ENO3: variants seen among roughly 807,000 people sequenced by gnomAD.
ENO3 encodes the protein enolase 3.
A neutral mutation model predicts 47.7 loss-of-function variants in ENO3; 46 were observed. That is an observed-to-expected ratio of 0.96 (90% CI 0.76 to 1.23). The LOEUF is 1.23. Among genes scored for constraint, ENO3 ranks in the 50% most tolerant of loss-of-function variants. ENO3 has a pLI of 0.00. For synonymous variants in ENO3, 223 were observed against 225.9 expected (o/e 0.99, Z 0.11); for missense variants, 575 against 566.2 (o/e 1.02, Z -0.16).
chr17:4,952,982 G>A, intron 3 of ENO3, 69 bp from the exon 4 acceptor site: 1 of 1,612,020 alleles, frequency 6.2e-7, no homozygotes, highest in Non-Finnish European at 8.5e-7. Context: ...CAAGGCTCTT[G>A]AGGAGCTGGG....
intron 7 of ENO3, 50 bp from the exon 8 acceptor site, chr17:4,955,356 CT>C: frequency 1.2e-6 from 2 of 1,614,142 alleles, no homozygotes; most frequent in Non-Finnish European, 1.7e-6. Context: ...GCAGGGGAGG[CT>C]GCAGACAAGG....
At chr17:4,953,426 C>T in intron 5 of ENO3, 85 bp downstream of exon 5, 2 of 1,578,750 alleles carry the variant, frequency 1.3e-6, no homozygotes, top group African/African-American at 1.3e-5. Context: ...TGGGTTATTT[C>T]TGGGTCCCCC....
In ENO3 at chr17:4,952,812, G is replaced by A. The variant is rs1317890147; in HGVS notation, c.103G>A (p.Val35Met). The A allele has an allele frequency of 6.2e-7, 1 of 1,611,218 alleles. No homozygotes were observed. Among genetic ancestry groups the A allele is most frequent in the Admixed American group, 1.7e-5 (1 of 59,728 alleles). ...TGTCCCAGGCCGATTCCGAGCAGCTGTGCCCAGTGGGGCTTCCACGGGTAT... is the reference window on the plus strand; with the variant it reads ...TGTCCCAGGCCGATTCCGAGCAGCTATGCCCAGTGGGGCTTCCACGGGTAT... ...HTAKGRFRAA[V>M]PSGASTGIYE... is the part of the protein sequence containing the mutation. Residue 35 changes from valine (V) to methionine (M), a missense_variant, in exon 3 of 12, where the codon GTG (valine) becomes ATG (methionine). Val to Met is a conservative substitution (Grantham distance 21, BLOSUM62 1). Transcript: ENST00000519602.
In ENO3 at chr17:4,956,564, T is replaced by C. The variant is rs1293797560; in HGVS notation, c.1068-9T>C. 1.2e-6 allele frequency: 2 copies of C among 1,613,952 alleles called. No homozygotes were observed. Among genetic ancestry groups the C allele is most frequent in the Non-Finnish European group, 1.7e-6 (2 of 1,179,958 alleles). On this transcript the variant is annotated splice_polypyrimidine_tract_variant and intron_variant, in intron 9 of 11. Transcript: ENST00000519602. ...CTAGAAGGCCACATCAAATGTCCTC[T>C]CCACTCAGGTGCAAACTGGCTCAGT...
rs1321223624 is a variant in ENO3, at chr17:4,953,298, A to G, written c.267A>G (p.Lys89=). ...AACTAAGCGTTGTGGATCAAGAAAA[A>G]GTTGACAAATTTATGATTGAGCTAG... ...QKKLSVVDQE[K]VDKFMIELDG... The change falls in exon 5 of 12, where the codon AAA becomes AAG. Residue 89 remains lysine (K), a synonymous_variant. Coordinates refer to ENST00000519602, the MANE Select transcript of ENO3 (RefSeq NM_053013.4). 6.2e-7 allele frequency: 1 copy of G among 1,614,196 alleles called. No homozygotes were observed. Among genetic ancestry groups the G allele is most frequent in the Non-Finnish European group, 8.5e-7 (1 of 1,180,036 alleles).
Position 4,955,130 on chromosome 17 carries a change from A to T in ENO3, c.500A>T (p.Glu167Val), listed in dbSNP as rs1278664109. ...SHAGNKLAMQ[E>V]FMILPVGASS... ...GCTGGAAACAAGCTGGCCATGCAGG[A>T]GTTCATGATTCTGCCTGTGGGAGCC... Residue 167 changes from glutamate to valine, a missense_variant, in exon 7 of 12, where the codon GAG becomes GTG. Glu to Val is a moderately radical substitution (Grantham distance 121, BLOSUM62 -2). Coordinates refer to ENST00000519602, the MANE Select transcript of ENO3 (RefSeq NM_053013.4). 6.2e-7 allele frequency: 1 copy of T among 1,614,066 alleles called. No individual in the cohort carries two copies. The highest frequency in any genetic ancestry group is 8.5e-7 in the Non-Finnish European group (1 of 1,180,030).
chr17:4,957,044 G>A lies in ENO3; in HGVS notation c.1302G>A (p.Lys434=), dbSNP rs1971761773. 3 of 1,614,030 alleles carry A rather than the reference G, an allele frequency of 1.9e-6. No homozygotes were observed. Among genetic ancestry groups the A allele is most frequent in the South Asian group, 2.2e-5 (2 of 91,090 alleles). Residue 434 remains lysine (K), a synonymous_variant, in exon 12 of 12, where the codon AAG becomes AAA. Transcript: ENST00000519602. ...GCAAGTTCCGTAACCCGAAGGCCAA[G>A]TGAGAAGCTGGAGGCTCCAGGACTC... is the stretch of plus-strand genomic sequence containing the variant. ...AGRKFRNPKA[K] is the part of the protein sequence containing the mutation.
At chr17:4,955,021 C>T in intron 6 of ENO3, 54 bp from the exon 7 acceptor site, 1 of 1,575,734 alleles carries the variant, frequency 6.3e-7, no homozygotes, top group Non-Finnish European at 8.6e-7. Flanking sequence ...GCCCCTGTCC[C>T]TTCTTGAGCT....
In ENO3 at chr17:4,955,470, T is replaced by C. The variant is rs375776604; in HGVS notation, c.731T>C (p.Met244Thr). The C allele has an allele frequency of 3.1e-6, 5 of 1,614,124 alleles. No individual in the cohort carries two copies. In the African/African-American group the frequency reaches 5.3e-5, roughly 17 times the overall value. The change falls in exon 8 of 12, where the codon ATG becomes ACG. Residue 244 changes from methionine to threonine, a missense_variant. By Grantham distance (81) the Met-to-Thr change is moderately conservative. Transcript: ENST00000519602. ...AGYPDKVVIG[M>T]DVAASEFYRN... ...TACCCAGACAAGGTGGTGATCGGCA[T>C]GGATGTGGCAGCATCTGAGTTCTAT...
intron 5 of ENO3, 72 bp from the exon 6 acceptor site, chr17:4,953,640 G>A: frequency 1.2e-6 from 2 of 1,612,640 alleles, no homozygotes; most frequent in Non-Finnish European, 1.7e-6. Context: ...TGGAGCTCTG[G>A]CGTCTTCCTG....
upstream of ENO3, chr17:4,949,104 G>A (rs953683830): frequency 5.3e-5 from 8 of 152,228 alleles, no homozygotes; most frequent in African/African-American, 1.7e-4. Context: ...GGCGGGCTGG[G>A]GACGTGTCTC....
Position 4,952,886 on chromosome 17 carries a change from G to A in ENO3, c.177G>A (p.Gly59=), listed in dbSNP as rs768769464. 1.2e-6 allele frequency: 2 copies of A among 1,612,256 alleles called. No homozygotes were observed. Among genetic ancestry groups the A allele is most frequent in the South Asian group, 2.2e-5 (2 of 90,742 alleles). Residue 59 remains glycine, a synonymous_variant, in exon 3 of 12, where the codon GGG becomes GGA. Transcript: ENST00000519602. ...LRDGDKGRYL[G]KGVLKAVENI... Reference sequence around the variant, plus strand: ...ACGGAGACAAAGGCCGCTACCTGGGGAAAGGTGAGGAGACACCAGCGCAGA... The same window carrying A: ...ACGGAGACAAAGGCCGCTACCTGGGAAAAGGTGAGGAGACACCAGCGCAGA...
rs1191823819 is a variant in ENO3, at chr17:4,956,027, G to A, written c.951G>A (p.Gly317=). The change falls in exon 9 of 12, where the codon GGG becomes GGA. Residue 317 remains glycine (G), a synonymous_variant. Transcript: ENST00000519602. The part of the protein sequence containing the change: ...FLSGVNIQIV[G]DDLTVTNPKR... The stretch of plus-strand genomic sequence containing the variant: ...CGGGGGTGAACATCCAGATTGTGGG[G>A]GATGACTTGACAGTCACCAACCCCA... The A allele has an allele frequency of 1.9e-6, 3 of 1,613,908 alleles. No individual in the cohort carries two copies. The South Asian group carries it at 3.3e-5, about 18-fold the overall frequency.
chr17:4,955,982 C>A lies in ENO3; in HGVS notation c.906C>A (p.Ala302=). Residue 302 remains alanine, a synonymous_variant, in exon 9 of 12, where the codon GCC becomes GCA. Transcript: ENST00000519602. ...ACCCCTTTGACCAGGATGACTGGGC[C>A]ACTTGGACCTCCTTCCTCTCGGGGG... The part of the protein sequence containing the change: ...IEDPFDQDDW[A]TWTSFLSGVN... The A allele has an allele frequency of 6.2e-7, 1 of 1,613,824 alleles. No individual in the cohort carries two copies.
chr17:4,956,394 G>A, intron 9 of ENO3, 179 bp from the exon 10 acceptor site: 1 of 753,962 alleles, frequency 1.3e-6, no homozygotes, highest in Non-Finnish European at 2.3e-6. Context: ...GTTCTCAGCA[G>A]CATCTCAAGA....
At chr17:4,956,732 C>T (rs1971748757) in intron 10 of ENO3, 51 bp downstream of exon 10, 1 of 1,613,842 alleles carries the variant, frequency 6.2e-7, no homozygotes, top group Middle Eastern at 1.7e-4. Flanking sequence ...TCTTGGGGTC[C>T]CTGGCCTCCT....
chr17:4,954,484 C>T (rs971629684), intron 6 of ENO3, among the ~76,000 whole-genome samples: 16 of 152,100 alleles, frequency 1.1e-4, no homozygotes, highest in Admixed American at 3.9e-4. Flanking sequence ...GTACTTAGTG[C>T]GTGGCATGTA....
At position 4,957,093 on chromosome 17, in the gene ENO3, AGACCTGCTTCCT is replaced by A. The variant is rs1015194542; in HGVS notation, c.*49_*60del. ...TCCACTGGACAGACCCAGGTCTTCC[AGACCTGCTTCCT>A]GAAATAAACACTGGTGCCAACCAAG... On this transcript the variant is annotated 3_prime_UTR_variant, in exon 12 of 12. Transcript: ENST00000519602. 6.2e-7 allele frequency: 1 copy of A among 1,611,094 alleles called. No individual in the cohort carries two copies. The highest frequency in any genetic ancestry group is 1.3e-5 in the African/African-American group (1 of 74,952).
chr17:4,949,483 G>A (rs1971479865), upstream of ENO3, among the ~76,000 whole-genome samples: 1 of 152,214 alleles, frequency 6.6e-6, no homozygotes, highest in Admixed American at 6.5e-5. Flanking sequence ...CTTAACAGGC[G>A]GGGCTATTTT....
Sources: gnomAD v4.1 joint callset for allele counts (sites outside exome capture counted in the v4.1 genomes callset) on GRCh38, gnomAD v4.1.1 for gene constraint, MANE v1.5 for transcripts, NCBI Gene and HGNC (gene_info 2026-07-23, HGNC 2026-07-21) for gene names.